The following LRFN2 variants were observed in gnomAD, a reference collection of about 807,000 sequenced individuals.
LRFN2 encodes leucine-rich repeat and fibronectin type-III domain-containing protein 2.
LRFN2 carries 18 observed loss-of-function variants against 37.3 expected under a neutral mutation model. That is an observed-to-expected ratio of 0.48 (90% CI 0.33 to 0.72). The LOEUF is 0.72. Ranked by LOEUF, LRFN2 falls within the 30% of genes least tolerant of loss-of-function variation. LRFN2 has a pLI of 0.02. For missense variants in LRFN2, 1,006 were observed against 1,060.7 expected (o/e 0.95, Z 0.72); for synonymous variants, 556 against 466.6 (o/e 1.19, Z -2.47).
At chr6:40,495,501 T>C (rs1179455680) in intron 1 of LRFN2, among the ~76,000 whole-genome samples, 1 of 152,160 alleles carries the variant, frequency 6.6e-6, no homozygotes, top group Admixed American at 6.5e-5. Flanking sequence ...ACAGGCATTG[T>C]TCAGGATCAC....
At chr6:40,463,320 A>T (rs1291914009) in intron 1 of LRFN2, among the ~76,000 whole-genome samples, 1 of 152,184 alleles carries the variant, frequency 6.6e-6, no homozygotes, top group Non-Finnish European at 1.5e-5. Flanking sequence ...CAGAATGCTA[A>T]TTTGGAGGCT....
chr6:40,396,675 ATTC>A (rs1762620340), intron 2 of LRFN2, among the ~76,000 whole-genome samples: 1 of 145,060 alleles, frequency 6.9e-6, no homozygotes, highest in Admixed American at 6.8e-5. Context: ...GCGGCTCCTG[ATTC>A]CTCTGCTCTG....
chr6:40,402,738 A>G (rs1298560794), intron 2 of LRFN2, among the ~76,000 whole-genome samples: 3 of 152,176 alleles, frequency 2.0e-5, no homozygotes, highest in Admixed American at 6.5e-5. Context: ...TAACCCCGGG[A>G]AGTACATCTA....
chr6:40,573,541 A>G (rs1434158817), intron 1 of LRFN2, among the ~76,000 whole-genome samples: 3 of 152,250 alleles, frequency 2.0e-5, no homozygotes, highest in Non-Finnish European at 2.9e-5. Context: ...TCCATCCCCA[A>G]GAGTGTCTAG....
At chr6:40,538,538 C>A (rs1484123036) in intron 1 of LRFN2, among the ~76,000 whole-genome samples, 1 of 152,260 alleles carries the variant, frequency 6.6e-6, no homozygotes, top group Non-Finnish European at 1.5e-5. Context: ...TCTGCAACAA[C>A]AAATTGGCCA....
intron 1 of LRFN2, among the ~76,000 whole-genome samples, chr6:40,476,067 C>T (rs776082871): frequency 4.6e-5 from 7 of 152,152 alleles, no homozygotes; most frequent in African/African-American, 7.2e-5. Flanking sequence ...ATGGGCCCAG[C>T]GTGGCCTAGG....
chr6:40,490,050 C>G (rs1581744948), intron 1 of LRFN2, among the ~76,000 whole-genome samples: 1 of 152,122 alleles, frequency 6.6e-6, no homozygotes, highest in Non-Finnish European at 1.5e-5. Flanking sequence ...GAGCCCAGCA[C>G]CCAGAGATCA....
chr6:40,541,597 C>T (rs867433672), intron 1 of LRFN2, among the ~76,000 whole-genome samples: 2 of 152,174 alleles, frequency 1.3e-5, no homozygotes, highest in Non-Finnish European at 2.9e-5. Context: ...CAGGAGCCTC[C>T]TCTGCCCACC....
intron 1 of LRFN2, among the ~76,000 whole-genome samples, chr6:40,459,280 A>G (rs571451560): frequency 2.0e-5 from 3 of 152,288 alleles, no homozygotes; most frequent in South Asian, 4.2e-4. Flanking sequence ...ATTTTCAACA[A>G]AGTGAACAAA....
chr6:40,575,953 T>G (rs143008387), intron 1 of LRFN2, among the ~76,000 whole-genome samples: 1 of 152,144 alleles, frequency 6.6e-6, no homozygotes, highest in African/African-American at 2.4e-5. Flanking sequence ...AATAAGTACA[T>G]AAAGCTTATT....
At chr6:40,557,181 G>A (rs78752844) in intron 1 of LRFN2, among the ~76,000 whole-genome samples, 2,020 of 152,236 alleles carry the variant, frequency 0.013, 15 homozygotes, top group Middle Eastern at 0.024. Context: ...TCACTCACCC[G>A]AGGCGAGGTC....
At chr6:40,483,086 C>T (rs1479401548) in intron 1 of LRFN2, among the ~76,000 whole-genome samples, 1 of 152,256 alleles carries the variant, frequency 6.6e-6, no homozygotes, top group African/African-American at 2.4e-5. Flanking sequence ...GCCACTTACT[C>T]GCTGCCTGAC....
rs371458185 is a variant in LRFN2, at chr6:40,576,139, G to A, written c.-19+10802C>T. 8.5e-5 allele frequency among the ~76,000 whole-genome samples: 13 copies of A among 152,266 alleles called. No homozygotes were observed. In the East Asian group the frequency reaches 1.5e-3, roughly 18 times the overall value. On this transcript the variant is annotated intron_variant, in intron 1 of 2. Coordinates refer to ENST00000338305, the MANE Select transcript of LRFN2 (RefSeq NM_020737.3). The stretch of plus-strand genomic sequence containing the variant: ...TGCCCTACTTCCTCACTGTCATGGG[G>A]TCCAAAGAAGACAGGTATGGCTGCA...
intron 1 of LRFN2, among the ~76,000 whole-genome samples, chr6:40,476,278 G>A (rs191867206): frequency 7.4e-4 from 112 of 152,272 alleles, no homozygotes; most frequent in African/African-American, 2.5e-3. Flanking sequence ...TCTGTCTGCC[G>A]CTACGTTTCT....
At chr6:40,522,313 T>C (rs969458302) in intron 1 of LRFN2, among the ~76,000 whole-genome samples, 2 of 152,134 alleles carry the variant, frequency 1.3e-5, no homozygotes, top group African/African-American at 2.4e-5. Flanking sequence ...AGCAAGGAAG[T>C]TGGGGTATTT....
intron 1 of LRFN2, among the ~76,000 whole-genome samples, chr6:40,555,048 G>C (rs1766843192): frequency 6.6e-6 from 1 of 152,188 alleles, no homozygotes; most frequent in Non-Finnish European, 1.5e-5. Flanking sequence ...TTTACAATTG[G>C]TTAAATAATT....
chr6:40,572,215 G>A (rs926715153), intron 1 of LRFN2, among the ~76,000 whole-genome samples: 3 of 152,194 alleles, frequency 2.0e-5, no homozygotes, highest in African/African-American at 4.8e-5. Flanking sequence ...TAAAATAACA[G>A]TACCTGTGCC....
intron 1 of LRFN2, chr6:40,517,468 G>A (rs1290147660): frequency 6.6e-6 from 1 of 152,192 alleles, no homozygotes; most frequent in Non-Finnish European, 1.5e-5. Flanking sequence ...CTCCATTTAA[G>A]CTCGACTCTG....
chr6:40,520,736 G>T (rs1345964709), intron 1 of LRFN2, among the ~76,000 whole-genome samples: 1 of 152,074 alleles, frequency 6.6e-6, no homozygotes, highest in African/African-American at 2.4e-5. Flanking sequence ...GGGGTGGAGA[G>T]TTGCCCTACC....
Sources: gnomAD v4.1 joint callset for allele counts (sites outside exome capture counted in the v4.1 genomes callset) on GRCh38, gnomAD v4.1.1 for gene constraint, MANE v1.5 for transcripts, NCBI Gene and HGNC (gene_info 2026-07-23, HGNC 2026-07-21) for gene names.